The following PLCL2 variants were observed in gnomAD, a reference collection of about 807,000 sequenced individuals.
The protein encoded by PLCL2 is inactive phospholipase C-like protein 2.
PLCL2 carries 4 observed loss-of-function variants against 79.6 expected under a neutral mutation model. That is an observed-to-expected ratio of 0.05 (90% CI 0.02 to 0.11). The LOEUF is 0.11. PLCL2 is among the 10% of genes least tolerant of loss of function. The pLI, the probability that PLCL2 is intolerant of heterozygous loss-of-function variation, is 1.00. For synonymous variants in PLCL2, 484 were observed against 457.7 expected, an observed-to-expected ratio of 1.06 and a Z score of -0.73; for missense variants, 895 against 1,291.0, an observed-to-expected ratio of 0.69 and a Z score of 4.70.
intron 1 of PLCL2, among the ~76,000 whole-genome samples, chr3:16,954,540 C>G (rs1212358667): frequency 1.3e-5 from 2 of 151,930 alleles, no homozygotes; most frequent in Admixed American, 6.6e-5. Context: ...GGGTATATAC[C>G]CAGTAATGGG....
intron 5 of PLCL2, among the ~76,000 whole-genome samples, chr3:17,073,428 C>A (rs4685423): frequency 0.18 from 27,401 of 152,090 alleles, 3,029 homozygotes; most frequent in East Asian, 0.54. Flanking sequence ...TAGTTGTAAT[C>A]CTTTTGCTGG....
At chr3:17,000,628 C>T (rs896509401) in intron 1 of PLCL2, among the ~76,000 whole-genome samples, 1 of 152,074 alleles carries the variant, frequency 6.6e-6, no homozygotes, top group African/African-American at 2.4e-5. Context: ...CCATTCTACT[C>T]TCTACCTCCA....
chr3:16,962,423 CTT>C (rs5846949), intron 1 of PLCL2, among the ~76,000 whole-genome samples: 1 of 144,180 alleles, frequency 6.9e-6, no homozygotes. Context: ...CAGGAGCTTT[CTT>C]TTTTTTTTTT....
intron 3 of PLCL2, among the ~76,000 whole-genome samples, chr3:17,040,807 T>C (rs2064712046): frequency 6.6e-6 from 1 of 152,236 alleles, no homozygotes; most frequent in South Asian, 2.1e-4. Flanking sequence ...ACTCCCAAGA[T>C]GAGTTTCTCA....
chr3:17,087,290 T>C (rs532629093), intron 5 of PLCL2, among the ~76,000 whole-genome samples: 2 of 152,300 alleles, frequency 1.3e-5, no homozygotes, highest in East Asian at 3.9e-4. Context: ...ATAAATAAAC[T>C]GCAGTGCATC....
At chr3:16,903,079 T>A (rs1488632346) in intron 1 of PLCL2, among the ~76,000 whole-genome samples, 4 of 152,164 alleles carry the variant, frequency 2.6e-5, no homozygotes, top group African/African-American at 4.8e-5. Context: ...AAGTTAGGAA[T>A]TGGGCATATT....
chr3:17,076,779 C>T (rs562282175), intron 5 of PLCL2, among the ~76,000 whole-genome samples: 46 of 152,200 alleles, frequency 3.0e-4, no homozygotes, highest in African/African-American at 9.9e-4. Flanking sequence ...TAAGAATTAC[C>T]GCACTCAGCC....
At chr3:16,930,339 C>T (rs1346063992) in intron 1 of PLCL2, among the ~76,000 whole-genome samples, 1 of 152,128 alleles carries the variant, frequency 6.6e-6, no homozygotes, top group East Asian at 1.9e-4. Context: ...ATACTTGTGG[C>T]TGAGAGAAAA....
intron 1 of PLCL2, among the ~76,000 whole-genome samples, chr3:16,978,423 T>G (rs537447245): frequency 3.2e-4 from 48 of 152,348 alleles, no homozygotes; most frequent in African/African-American, 1.1e-3. Context: ...TTATTTTTCT[T>G]ATTACTCACA....
chr3:16,940,870 A>G (rs903346836), intron 1 of PLCL2, among the ~76,000 whole-genome samples: 2 of 152,174 alleles, frequency 1.3e-5, no homozygotes, highest in Non-Finnish European at 2.9e-5. Context: ...AGCCCACAGG[A>G]AGTGCTTCAT....
At position 17,011,765 on chromosome 3, in the gene PLCL2, G is replaced by A. The variant is rs2064325937; in HGVS notation, c.2419G>A (p.Asp807Asn). 1 of 1,614,088 alleles carries A rather than the reference G, an allele frequency of 6.2e-7. No individual in the cohort carries two copies. The highest frequency in any genetic ancestry group is 1.3e-5 in the African/African-American group (1 of 74,948). Reference protein sequence around the residue: ...QRTKTVHQNGDAPIFDESFEF... With the variant: ...QRTKTVHQNGNAPIFDESFEF... ...GACAAAAACAGTGCACCAGAATGGA[G>A]ACGCTCCCATTTTTGATGAAAGCTT... Residue 807 changes from aspartate (D) to asparagine (N), a missense_variant, in exon 2 of 6, where the codon GAC (aspartate) becomes AAC (asparagine). By Grantham distance (23) the Asp-to-Asn change is conservative. Coordinates refer to ENST00000615277, the MANE Select transcript of PLCL2 (RefSeq NM_001144382.2). The surrounding 1 kb of genome is among the most constrained non-coding windows in gnomAD (Gnocchi z 7.9).
At chr3:16,950,125 A>C (rs944952388) in intron 1 of PLCL2, among the ~76,000 whole-genome samples, 11 of 152,144 alleles carry the variant, frequency 7.2e-5, no homozygotes, top group African/African-American at 2.7e-4. Context: ...ACTATCTTGT[A>C]TTTGTTTGCT....
At chr3:17,075,569 G>A (rs6773420) in intron 5 of PLCL2, among the ~76,000 whole-genome samples, 19,595 of 144,200 alleles carry the variant, frequency 0.14, 1,515 homozygotes, top group African/African-American at 0.22. Flanking sequence ...AAAAAATGCA[G>A]TATCTGTGAA....
At chr3:16,908,880 A>G (rs1696810693) in intron 1 of PLCL2, among the ~76,000 whole-genome samples, 1 of 152,254 alleles carries the variant, frequency 6.6e-6, no homozygotes, top group Non-Finnish European at 1.5e-5. Context: ...GTATCAACAT[A>G]CATTTATTTT....
At chr3:17,089,541 G>C (rs1013534121) in intron 5 of PLCL2, among the ~76,000 whole-genome samples, 192 bp from the exon 6 acceptor site, 5 of 152,194 alleles carry the variant, frequency 3.3e-5, no homozygotes, top group Admixed American at 2.0e-4. Context: ...CTCTTGGAGT[G>C]TGGTGTTGAA....
intron 1 of PLCL2, among the ~76,000 whole-genome samples, chr3:16,964,886 A>G (rs1399072102): frequency 6.6e-6 from 1 of 151,928 alleles, no homozygotes; most frequent in Non-Finnish European, 1.5e-5. Context: ...TTTCTTGTAA[A>G]TTTGTTTGAG....
At chr3:17,032,091 A>C (rs1301513512) in intron 3 of PLCL2, among the ~76,000 whole-genome samples, 3 of 152,116 alleles carry the variant, frequency 2.0e-5, no homozygotes, top group Non-Finnish European at 4.4e-5. Flanking sequence ...TTTGGTTAAA[A>C]ACTAAAATTT....
chr3:16,949,868 ACAGC>A (rs1173514467), intron 1 of PLCL2, among the ~76,000 whole-genome samples: 1 of 152,180 alleles, frequency 6.6e-6, no homozygotes, highest in African/African-American at 2.4e-5. Context: ...TTGCAAATGG[ACAGC>A]CAGTTATTTC....
chr3:16,967,393 A>C (rs2063818257), intron 1 of PLCL2, among the ~76,000 whole-genome samples: 2 of 152,128 alleles, frequency 1.3e-5, no homozygotes, highest in South Asian at 4.1e-4. Flanking sequence ...CAATGTATAA[A>C]GCATTCCCTT....
Sources: gnomAD v4.1 joint callset for allele counts (sites outside exome capture counted in the v4.1 genomes callset) on GRCh38, gnomAD v4.1.1 for gene constraint, Gnocchi (gnomAD v3.1) non-coding constraint, MANE v1.5 for transcripts, NCBI Gene and HGNC (gene_info 2026-07-23, HGNC 2026-07-21) for gene names.